SLC4A4: variants seen among roughly 807,000 people sequenced by gnomAD.
SLC4A4 encodes the protein electrogenic sodium bicarbonate cotransporter 1.
Under a neutral mutation model 111.5 loss-of-function variants are expected in SLC4A4, and 27 were observed. The observed-to-expected ratio is 0.24, with a 90% confidence interval of 0.18 to 0.33. SLC4A4 has a LOEUF of 0.33. SLC4A4 is among the 10% of genes least tolerant of loss of function. The pLI is 1.00. For synonymous variants in SLC4A4, 443 were observed against 463.4 expected (o/e 0.96, Z 0.57); for missense variants, 909 against 1,315.5 (o/e 0.69, Z 4.78).
At chr4:71,366,237 T>G (rs1185451602) in intron 6 of SLC4A4, among the ~76,000 whole-genome samples, 1 of 151,808 alleles carries the variant, frequency 6.6e-6, no homozygotes, top group Non-Finnish European at 1.5e-5. Context: ...CCCAAAAGAG[T>G]CCTAAAACTT....
chr4:71,496,876 A>G (rs1730459706), intron 15 of SLC4A4, among the ~76,000 whole-genome samples: 1 of 152,150 alleles, frequency 6.6e-6, no homozygotes, highest in African/African-American at 2.4e-5. Context: ...ACAGATGCTC[A>G]TAATGCTGAC....
At chr4:71,190,243 C>T (rs575638951) in intron 1 of SLC4A4, among the ~76,000 whole-genome samples, 25 of 152,096 alleles carry the variant, frequency 1.6e-4, no homozygotes, top group Non-Finnish European at 2.5e-4. Flanking sequence ...ACTCTTGATA[C>T]GTTTGGGTCA....
intron 16 of SLC4A4, among the ~76,000 whole-genome samples, chr4:71,520,838 C>T (rs1042509756): frequency 1.8e-4 from 27 of 151,470 alleles, no homozygotes; most frequent in African/African-American, 5.3e-4. Flanking sequence ...CTCTGTATTT[C>T]TTTTTTTTGG....
Position 71,440,625 on chromosome 4 carries a change from A to C in SLC4A4, c.817A>C (p.Lys273Gln). The C allele has an allele frequency of 6.2e-7, 1 of 1,614,144 alleles. No individual in the cohort carries two copies. Among genetic ancestry groups the C allele is most frequent in the Non-Finnish European group, 8.5e-7 (1 of 1,179,990 alleles). The part of the protein sequence containing the change: ...DKPEKDQLKN[K>Q]FMKKLPRDAE... ...GGTTCTTCTCATGCAGCTGAAGAATAAGTTCATGAAAAAATTGCCACGTGA... is the reference window on the plus strand; with the variant it reads ...GGTTCTTCTCATGCAGCTGAAGAATCAGTTCATGAAAAAATTGCCACGTGA... The change falls in exon 8 of 26, where the codon AAG becomes CAG. Residue 273 changes from lysine to glutamine, a missense_variant. By Grantham distance (53) the Lys-to-Gln change is moderately conservative. This residue lies in a region of SLC4A4 where 312 missense variants were observed against 402.0 expected (regional missense o/e 0.78). Transcript: ENST00000264485.
intron 3 of SLC4A4, among the ~76,000 whole-genome samples, chr4:71,269,622 T>G (rs6858829): frequency 0.012 from 1,814 of 152,344 alleles, 40 homozygotes; most frequent in African/African-American, 0.041. Flanking sequence ...GTGCATGGAC[T>G]TAAGTGGGAA....
At chr4:71,480,754 C>G (rs1728801150) in intron 14 of SLC4A4, among the ~76,000 whole-genome samples, 1 of 151,746 alleles carries the variant, frequency 6.6e-6, no homozygotes, top group South Asian at 2.1e-4. Flanking sequence ...TTCTTGTTCA[C>G]ATCGGGTTAA....
chr4:71,492,404 G>A (rs577708653), intron 15 of SLC4A4, among the ~76,000 whole-genome samples: 1 of 151,560 alleles, frequency 6.6e-6, no homozygotes, highest in Non-Finnish European at 1.5e-5. Flanking sequence ...AGTATAACAG[G>A]GTAATTCTCT....
intron 2 of SLC4A4, 21 bp downstream of exon 2, chr4:71,236,670 A>G (rs901885008): frequency 5.6e-6 from 9 of 1,598,358 alleles, no homozygotes; most frequent in African/African-American, 4.0e-5. Flanking sequence ...TGGGTCTGGG[A>G]AAGTGTCTGT....
In SLC4A4 at chr4:71,472,729, C is replaced by T. The variant is rs768530224; in HGVS notation, c.1662C>T (p.Arg554=). The T allele has an allele frequency of 7.6e-5, 122 of 1,612,674 alleles. No individual in the cohort carries two copies. The highest frequency in any genetic ancestry group is 1.0e-4 in the Non-Finnish European group (119 of 1,179,248). The change falls in exon 14 of 26, where the codon CGC becomes CGT. Residue 554 remains arginine (R), a synonymous_variant. Transcript: ENST00000264485. ...ATAATTTTGACTATTTGGAGTTTCG[C>T]CTTTGGATTGGCCTGTGGTCCGCCT... ...KDNNFDYLEF[R]LWIGLWSAFL... is the part of the protein sequence containing the mutation.
At chr4:71,531,161 C>T (rs1010367888) in intron 16 of SLC4A4, among the ~76,000 whole-genome samples, 3 of 152,116 alleles carry the variant, frequency 2.0e-5, no homozygotes, top group Admixed American at 6.6e-5. Context: ...CCTTAGTCCT[C>T]ATTAGTGCCA....
chr4:71,531,398 G>A (rs934792215), intron 16 of SLC4A4, among the ~76,000 whole-genome samples: 14 of 152,116 alleles, frequency 9.2e-5, no homozygotes, highest in Non-Finnish European at 1.8e-4. Context: ...GAGACTTTAA[G>A]TACTAACCTG....
At chr4:71,385,191 A>ATATATATATATTTTTTTTTTTT (rs56949097) in intron 6 of SLC4A4, among the ~76,000 whole-genome samples, 1 of 11,896 alleles carries the variant, frequency 8.4e-5, no homozygotes, top group African/African-American at 2.5e-4. Flanking sequence ...ATATATATAT[A>ATATATATATATTTTTTTTTTTT]TTTTTTTTTT....
At chr4:71,419,890 A>G (rs888453645) in intron 7 of SLC4A4, among the ~76,000 whole-genome samples, 16 of 152,214 alleles carry the variant, frequency 1.1e-4, no homozygotes, top group Admixed American at 2.0e-4. Flanking sequence ...AAGATGGGGG[A>G]AAAACAGAGC....
intron 3 of SLC4A4, among the ~76,000 whole-genome samples, chr4:71,335,108 A>C (rs1164677789): frequency 3.3e-5 from 5 of 152,172 alleles, no homozygotes; most frequent in African/African-American, 1.2e-4. Context: ...AAAACTACCT[A>C]TTGGGTACTA....
intron 2 of SLC4A4, among the ~76,000 whole-genome samples, chr4:71,142,933 A>G (rs1179301681): frequency 1.3e-5 from 2 of 150,854 alleles, no homozygotes; most frequent in African/African-American, 4.9e-5. Flanking sequence ...TGGTTTTTCC[A>G]TTTTCTTTCC....
chr4:71,255,547 A>T, intron 3 of SLC4A4, 148 bp downstream of exon 3: 1 of 933,384 alleles, frequency 1.1e-6, no homozygotes, highest in South Asian at 1.4e-5. Flanking sequence ...GTCTGTGGAG[A>T]TGCTTTGCTT....
At chr4:71,536,492 A>T (rs1336848336) in intron 18 of SLC4A4, among the ~76,000 whole-genome samples, 2 of 126,644 alleles carry the variant, frequency 1.6e-5, no homozygotes, top group Admixed American at 8.2e-5. Context: ...ATATATGTAT[A>T]TATTTATTTA....
chr4:71,119,427 G>A (rs1469868131), intron 2 of SLC4A4, among the ~76,000 whole-genome samples: 1 of 151,922 alleles, frequency 6.6e-6, no homozygotes, highest in Non-Finnish European at 1.5e-5. Flanking sequence ...TGTTGTTCAG[G>A]CTGGAGTGCA....
intron 5 of SLC4A4, among the ~76,000 whole-genome samples, chr4:71,355,657 A>T (rs560323561): frequency 1.4e-4 from 21 of 152,294 alleles, no homozygotes; most frequent in Non-Finnish European, 2.2e-4. Context: ...TTGATAGTAC[A>T]TTGTGTAAAT....
Sources: allele counts gnomAD v4.1 joint callset (sites outside exome capture counted in the v4.1 genomes callset), GRCh38; gene constraint gnomAD v4.1.1; regional missense constraint gnomAD v4.1.1; transcripts MANE v1.5; gene names NCBI Gene and HGNC (gene_info 2026-07-23, HGNC 2026-07-21).